The following PROX2 variants were observed in gnomAD, a reference collection of about 807,000 sequenced individuals.
PROX2 encodes the protein prospero homeobox 2.
A neutral mutation model predicts 48.9 loss-of-function variants in PROX2; 46 were observed. The observed-to-expected ratio is 0.94, with a 90% confidence interval of 0.74 to 1.20. PROX2 has a LOEUF of 1.20. Among genes scored for constraint, PROX2 ranks in the 50% most tolerant of loss-of-function variants. The pLI is 0.00. For missense variants in PROX2, 663 were observed against 719.4 expected, an observed-to-expected ratio of 0.92 and a Z score of 0.90; for synonymous variants, 260 against 276.6, an observed-to-expected ratio of 0.94 and a Z score of 0.60.
intron 5 of PROX2, 55 bp from the exon 6 acceptor site, chr14:74,855,357 G>A: frequency 7.0e-7 from 1 of 1,421,844 alleles, no homozygotes; most frequent in Non-Finnish European, 9.4e-7. Context: ...GGGAAGCACT[G>A]GTGCCAGAGC....
At chr14:74,865,672 A>T (rs1299740460) in intron 2 of PROX2, among the ~76,000 whole-genome samples, 1 of 151,832 alleles carries the variant, frequency 6.6e-6, no homozygotes. Context: ...TCTACTAAAA[A>T]TACAAAAAAT....
chr14:74,856,126 T>C (rs1333569643), intron 5 of PROX2: 2 of 152,284 alleles, frequency 1.3e-5, no homozygotes, highest in African/African-American at 2.4e-5. Context: ...TGACCAGATA[T>C]ACCCGGCACC....
At chr14:74,862,099 C>T (rs984762677) in intron 3 of PROX2, among the ~76,000 whole-genome samples, 1 of 152,354 alleles carries the variant, frequency 6.6e-6, no homozygotes, top group East Asian at 1.9e-4. Context: ...GTGGTCACCA[C>T]TATAAGCTGA....
intron 3 of PROX2, among the ~76,000 whole-genome samples, chr14:74,860,920 A>AC (rs939763890): frequency 3.3e-5 from 5 of 152,354 alleles, no homozygotes; most frequent in Admixed American, 1.3e-4. Context: ...TGGAGAGTCA[A>AC]CTAGTGGTTA....
chr14:74,862,999 CA>C lies in PROX2; in HGVS notation c.835del (p.Cys279ValfsTer22), dbSNP rs746034522. ...GGCAGCCAAAGCAAGTGGATCTTTA[CA>C]GGCCCCTCCCACAGGAGGTGAGGGC... ...SEPSPPVGGA[C>X]KDPLALAALP... On this transcript the variant is annotated frameshift_variant, in exon 3 of 6. Coordinates refer to ENST00000556489, the MANE Select transcript of PROX2 (RefSeq NM_001243007.2). LOFTEE classifies it high-confidence loss of function. The C allele has an allele frequency of 6.2e-7, 1 of 1,614,010 alleles. No individual in the cohort carries two copies. Among genetic ancestry groups the C allele is most frequent in the Non-Finnish European group, 8.5e-7 (1 of 1,179,882 alleles).
At chr14:74,870,951 G>A (rs892273602) in intron 2 of PROX2, among the ~76,000 whole-genome samples, 152 bp downstream of exon 2, 1 of 152,042 alleles carries the variant, frequency 6.6e-6, no homozygotes, top group Non-Finnish European at 1.5e-5. Flanking sequence ...CTGAGGCAGG[G>A]GAATTGCTTG....
At chr14:74,860,448 T>G (rs2091785996) in intron 3 of PROX2, among the ~76,000 whole-genome samples, 1 of 152,020 alleles carries the variant, frequency 6.6e-6, no homozygotes, top group South Asian at 2.1e-4. Context: ...TTCAGAATTG[T>G]AGCTAAGTGG....
chr14:74,855,421 C>G, intron 5 of PROX2, 119 bp from the exon 6 acceptor site: 1 of 682,776 alleles, frequency 1.5e-6, no homozygotes, highest in Non-Finnish European at 2.2e-6. Context: ...AGCATCCCTG[C>G]TCTAGTGGCC....
intron 4 of PROX2, 64 bp downstream of exon 4, chr14:74,858,343 C>G (rs1160853091): frequency 3.0e-6 from 3 of 1,008,366 alleles, no homozygotes; most frequent in Non-Finnish European, 4.6e-6. Context: ...TTGCCTCACA[C>G]CAGGCAAAAC....
In PROX2 at chr14:74,855,236, C is replaced by T. The variant is rs755041044; in HGVS notation, c.1675G>A (p.Gly559Arg). Residue 559 changes from glycine (G) to arginine (R), a missense_variant, in exon 6 of 6, where the codon GGG (glycine) becomes AGG (arginine). Gly to Arg is a moderately radical substitution (Grantham distance 125). Coordinates refer to ENST00000556489, the MANE Select transcript of PROX2 (RefSeq NM_001243007.2). ...TTCCAGGAAGGATCTGAGTCTCTCC[C>T]TGCGGAGACAGCCCTGAAGAACTCC... The part of the protein sequence containing the change: ...LQEFFRAVSA[G>R]RDSDPSWKKP... 7 of 1,593,256 alleles carry T rather than the reference C, an allele frequency of 4.4e-6. No individual in the cohort carries two copies. Among genetic ancestry groups the T allele is most frequent in the Non-Finnish European group, 6.0e-6 (7 of 1,166,286 alleles).
At chr14:74,855,463 TCCTCATC>T in intron 5 of PROX2, 161 bp from the exon 6 acceptor site, 1 of 437,420 alleles carries the variant, frequency 2.3e-6, no homozygotes, top group Non-Finnish European at 3.9e-6. Flanking sequence ...CTCCTCTGCT[TCCTCATC>T]AGACACAAAC....
At position 74,858,518 on chromosome 14, in the gene PROX2, T is replaced by C. The variant is rs768503467; in HGVS notation, c.1306-4A>G. The C allele has an allele frequency of 4.0e-6, 6 of 1,513,494 alleles. No homozygotes were observed. Among genetic ancestry groups the C allele is most frequent in the Non-Finnish European group, 5.4e-6 (6 of 1,108,252 alleles). 93.8% of individuals were successfully genotyped at this position (1,513,494 alleles called of 1,614,324 possible). ...CAGGGTTTAGACCCTCCTGGATTTA[T>C]CTCAGTGTCAAGGAAAATGAACACT... On this transcript the variant is annotated splice_polypyrimidine_tract_variant and splice_region_variant and intron_variant, in intron 3 of 5. Coordinates refer to ENST00000556489, the MANE Select transcript of PROX2 (RefSeq NM_001243007.2).
At chr14:74,861,670 A>T (rs2091795842) in intron 3 of PROX2, among the ~76,000 whole-genome samples, 1 of 151,948 alleles carries the variant, frequency 6.6e-6, no homozygotes, top group South Asian at 2.1e-4. Flanking sequence ...GTCTCCAGGC[A>T]CTCCATTGCA....
At chr14:74,867,695 G>C (rs1201170951) in intron 2 of PROX2, among the ~76,000 whole-genome samples, 1 of 152,216 alleles carries the variant, frequency 6.6e-6, no homozygotes, top group Non-Finnish European at 1.5e-5. Flanking sequence ...GGTAGATAGA[G>C]TCATTGAGGA....
chr14:74,871,316 A>T (rs1594864627), intron 1 of PROX2, 79 bp from the exon 2 acceptor site: 1 of 152,166 alleles, frequency 6.6e-6, no homozygotes, highest in Admixed American at 6.5e-5. Context: ...TCTTTCCCAG[A>T]TACATATTCC....
Position 74,863,044 on chromosome 14 carries a change from ACCTGCC to A in PROX2, c.785_790del (p.Gly262_Gln263del), listed in dbSNP as rs772383724. The A allele has an allele frequency of 6.2e-7, 1 of 1,613,816 alleles. No homozygotes were observed. The highest frequency in any genetic ancestry group is 1.1e-5 in the South Asian group (1 of 91,062). On this transcript the variant is annotated inframe_deletion, in exon 3 of 6. Coordinates refer to ENST00000556489, the MANE Select transcript of PROX2 (RefSeq NM_001243007.2). ...TGAGGGCTCGCTTCTACCCTCTGCCACCTGCCCCTGGAAGCTTCTGCCCAGCTGAGT... is the reference window on the plus strand; with the variant it reads ...TGAGGGCTCGCTTCTACCCTCTGCCACCTGGAAGCTTCTGCCCAGCTGAGT...
At chr14:74,858,945 C>G (rs2091773771) in intron 3 of PROX2, 2 of 154,214 alleles carry the variant, frequency 1.3e-5, no homozygotes, top group South Asian at 4.0e-4. Flanking sequence ...ATTTCAAAAC[C>G]CCAAGCAGAG....
chr14:74,865,886 G>A (rs1350627695), intron 2 of PROX2, among the ~76,000 whole-genome samples: 2 of 151,982 alleles, frequency 1.3e-5, no homozygotes, highest in Non-Finnish European at 2.9e-5. Context: ...TAACCAACAG[G>A]GACACTACAA....
rs532190836 is a variant in PROX2 at position 74,868,662 on chromosome 14, G to A, written c.-175+2441C>T. The stretch of plus-strand genomic sequence containing the variant: ...ATCCTGGCTAACACAGTGAAACCCC[G>A]TCTCTACTAAAAAAAATACAAAAAA... On this transcript the variant is annotated intron_variant, in intron 2 of 5. Coordinates refer to ENST00000556489, the MANE Select transcript of PROX2 (RefSeq NM_001243007.2). 5.3e-5 allele frequency among the ~76,000 whole-genome samples: 8 copies of A among 151,426 alleles called. No individual in the cohort carries two copies. The East Asian group carries it at 1.6e-3, about 29-fold the overall frequency.
Sources: allele counts gnomAD v4.1 joint callset (sites outside exome capture counted in the v4.1 genomes callset), GRCh38; gene constraint gnomAD v4.1.1; transcripts MANE v1.5; gene names NCBI Gene and HGNC (gene_info 2026-07-23, HGNC 2026-07-21).